UST: variants seen among roughly 807,000 people sequenced by gnomAD.
UST encodes the protein chondroitin sulfate 2-O-sulfotransferase.
UST carries 21 observed loss-of-function variants against 45.6 expected under a neutral mutation model. The observed-to-expected ratio is 0.46, with a 90% CI of 0.33 to 0.66. UST has a LOEUF of 0.66. Among genes scored for constraint, UST ranks in the 30% least tolerant of loss-of-function variants. The probability of loss-of-function intolerance (pLI) is 0.02; values close to 1 mark genes in which losing one functional copy is unlikely to be tolerated. For synonymous variants in UST, 215 were observed against 200.6 expected (o/e 1.07, Z -0.61); for missense variants, 463 against 512.4 (o/e 0.90, Z 0.93).
intron 1 of UST, among the ~76,000 whole-genome samples, chr6:148,803,187 T>C (rs1777082980): frequency 6.6e-6 from 1 of 152,140 alleles, no homozygotes; most frequent in African/African-American, 2.4e-5. Flanking sequence ...ACTTTGTAGA[T>C]CCATAGAATC....
chr6:148,811,727 C>T (rs892846117), intron 1 of UST, among the ~76,000 whole-genome samples: 1 of 152,170 alleles, frequency 6.6e-6, no homozygotes, highest in African/African-American at 2.4e-5. Flanking sequence ...TGGCTTCCCT[C>T]AGAATGAGTG....
At chr6:149,037,502 C>A (rs1030087551) in intron 7 of UST, among the ~76,000 whole-genome samples, 1 of 152,170 alleles carries the variant, frequency 6.6e-6, no homozygotes, top group African/African-American at 2.4e-5. Context: ...CCAGGCAGGA[C>A]CCCTGGAATG....
At chr6:148,973,824 A>G (rs1286187949) in intron 5 of UST, among the ~76,000 whole-genome samples, 1 of 152,244 alleles carries the variant, frequency 6.6e-6, no homozygotes, top group Non-Finnish European at 1.5e-5. Flanking sequence ...AGTAAGTGTA[A>G]AACATCTAAG....
intron 7 of UST, among the ~76,000 whole-genome samples, chr6:149,043,737 T>C (rs114754729): frequency 1.7e-3 from 262 of 152,400 alleles, no homozygotes; most frequent in African/African-American, 6.2e-3. Context: ...GCACTCCAAA[T>C]GGTGACCAAG....
intron 1 of UST, among the ~76,000 whole-genome samples, chr6:148,759,151 T>C (rs1776154306): frequency 6.6e-6 from 1 of 152,176 alleles, no homozygotes; most frequent in South Asian, 2.1e-4. Flanking sequence ...CCCTCATCCA[T>C]AGCAGTGTTT....
intron 2 of UST, among the ~76,000 whole-genome samples, chr6:148,907,077 C>T (rs987527490): frequency 4.6e-5 from 7 of 151,954 alleles, no homozygotes; most frequent in South Asian, 2.1e-4. Flanking sequence ...TATTTTATTA[C>T]GGTAAGACAA....
intron 5 of UST, among the ~76,000 whole-genome samples, chr6:148,979,558 G>T (rs887699059): frequency 6.6e-6 from 1 of 152,186 alleles, no homozygotes; most frequent in Non-Finnish European, 1.5e-5. Context: ...AGAAATCTTT[G>T]ACTAAGACCC....
intron 7 of UST, among the ~76,000 whole-genome samples, chr6:149,053,728 A>T (rs948579723): frequency 1.9e-4 from 29 of 152,354 alleles, no homozygotes; most frequent in Non-Finnish European, 3.7e-4. Context: ...TTATGTGCTC[A>T]GTTGCAACCA....
intron 1 of UST, among the ~76,000 whole-genome samples, chr6:148,867,036 T>G (rs1174981537): frequency 6.6e-6 from 1 of 152,152 alleles, no homozygotes; most frequent in African/African-American, 2.4e-5. Flanking sequence ...TATCTTTCAC[T>G]TCTCCTATGC....
At chr6:149,053,479 C>T (rs924580682) in intron 7 of UST, among the ~76,000 whole-genome samples, 1 of 152,196 alleles carries the variant, frequency 6.6e-6, no homozygotes, top group African/African-American at 2.4e-5. Flanking sequence ...CTATGTTCCT[C>T]TTTGTGGCTA....
chr6:148,919,661 CTG>C (rs1423922078), intron 2 of UST, among the ~76,000 whole-genome samples: 1 of 152,158 alleles, frequency 6.6e-6, no homozygotes, highest in East Asian at 1.9e-4. Context: ...CTTCTGAAAA[CTG>C]TTATTCAGTG....
intron 2 of UST, among the ~76,000 whole-genome samples, chr6:148,911,037 C>T (rs554523253): frequency 1.3e-5 from 2 of 152,268 alleles, no homozygotes; most frequent in Admixed American, 6.5e-5. Context: ...CCATTGCTTC[C>T]ACGTCTGAAT....
In UST at chr6:149,008,934, T is replaced by A. The variant is rs1421299201; in HGVS notation, c.682-10205T>A. Among the ~76,000 whole-genome samples, 3 of 152,238 alleles carry A rather than the reference T, an allele frequency of 2.0e-5. No individual in the cohort carries two copies. The East Asian group carries it at 5.8e-4, about 29-fold the overall frequency. ...GTCAGCACAGCTCTCCATCAGTTTT[T>A]CCTGACTCATCATTAAATATGAATG... On this transcript the variant is annotated intron_variant, in intron 5 of 7. Coordinates refer to ENST00000367463, the MANE Select transcript of UST (RefSeq NM_005715.3).
At chr6:148,877,663 G>T (rs62426094) in intron 1 of UST, among the ~76,000 whole-genome samples, 1 of 114,640 alleles carries the variant, frequency 8.7e-6, no homozygotes, top group South Asian at 4.1e-4. Flanking sequence ...ATGAGTGCGA[G>T]GGGTCATGTA....
intron 4 of UST, among the ~76,000 whole-genome samples, chr6:148,961,983 C>T (rs887831330): frequency 9.2e-5 from 14 of 152,194 alleles, no homozygotes; most frequent in Admixed American, 7.2e-4. Context: ...TTCTGTATAA[C>T]GGACGTGTCA....
chr6:149,040,383 C>A (rs767429564), intron 7 of UST, among the ~76,000 whole-genome samples: 1 of 152,032 alleles, frequency 6.6e-6, no homozygotes, highest in Non-Finnish European at 1.5e-5. Context: ...GTAGGCCGGG[C>A]GCAGTGACTC....
intron 1 of UST, among the ~76,000 whole-genome samples, chr6:148,842,374 A>G (rs188039486): frequency 3.9e-5 from 6 of 152,266 alleles, no homozygotes. Flanking sequence ...GTTATATGTA[A>G]CTGTCTTACA....
At chr6:148,882,046 G>A (rs1211919223) in intron 1 of UST, among the ~76,000 whole-genome samples, 1 of 152,130 alleles carries the variant, frequency 6.6e-6, no homozygotes, top group African/African-American at 2.4e-5. Context: ...TAAGGGCAAA[G>A]CATTTATAGC....
intron 1 of UST, among the ~76,000 whole-genome samples, chr6:148,810,673 C>T (rs1482687232): frequency 6.6e-6 from 1 of 152,200 alleles, no homozygotes; most frequent in African/African-American, 2.4e-5. Context: ...GCTCAACTCT[C>T]TTTTCTCTCT....
Sources: gnomAD v4.1 joint callset for allele counts (sites outside exome capture counted in the v4.1 genomes callset) on GRCh38, gnomAD v4.1.1 for gene constraint, MANE v1.5 for transcripts, NCBI Gene and HGNC (gene_info 2026-07-23, HGNC 2026-07-21) for gene names.